LOC400499: variants seen among roughly 807,000 people sequenced by gnomAD.
chr16:11,460,078 C>A, the LOC400499 span: 3 of 1,347,088 alleles, frequency 2.2e-6, no homozygotes, highest in East Asian at 5.6e-5. Context: ...GGGTGGTGAA[C>A]TGCCCATGGA....
the LOC400499 span, chr16:11,457,003 G>C: frequency 1.3e-6 from 2 of 1,534,836 alleles, no homozygotes; most frequent in Non-Finnish European, 1.7e-6. Flanking sequence ...AGCTGCACGC[G>C]GCAATCCACC....
At chr16:11,394,950 G>C in the LOC400499 span, among the ~76,000 whole-genome samples, 7 of 152,228 alleles carry the variant, frequency 4.6e-5, no homozygotes, top group African/African-American at 1.4e-4. Context: ...TAATACAGTA[G>C]TCCTAGGAAT....
chr16:11,515,170 G>A, the LOC400499 span, among the ~76,000 whole-genome samples: 591 of 152,160 alleles, frequency 3.9e-3, 5 homozygotes, highest in Non-Finnish European at 5.3e-3. Flanking sequence ...AACTAACCAG[G>A]CATAGTGGTG....
the LOC400499 span, among the ~76,000 whole-genome samples, chr16:11,443,679 G>C: frequency 5.9e-5 from 9 of 152,174 alleles, no homozygotes; most frequent in East Asian, 1.5e-3. Context: ...ACTGCATAGA[G>C]ATGAGTACTG....
the LOC400499 span, chr16:11,430,930 A>T: frequency 2.5e-6 from 1 of 397,886 alleles, no homozygotes; most frequent in South Asian, 1.4e-4. Context: ...TGCCAGTGTG[A>T]GATGCTGGAG....
At chr16:11,400,005 C>A in the LOC400499 span, among the ~76,000 whole-genome samples, 2 of 151,766 alleles carry the variant, frequency 1.3e-5, no homozygotes, top group Admixed American at 1.3e-4. Context: ...TGCCTACCCC[C>A]ATCTCTGGAA....
the LOC400499 span, among the ~76,000 whole-genome samples, chr16:11,395,273 G>A: frequency 6.6e-6 from 1 of 152,330 alleles, no homozygotes; most frequent in East Asian, 1.9e-4. Flanking sequence ...GTTGGGGTGA[G>A]CAAGAAACAA....
chr16:11,494,370 G>C, the LOC400499 span, among the ~76,000 whole-genome samples: 1 of 148,248 alleles, frequency 6.7e-6, no homozygotes, highest in East Asian at 2.1e-4. Flanking sequence ...GTGTGGGGGG[G>C]GCAGTGGTAT....
chr16:11,452,487 T>C, the LOC400499 span, among the ~76,000 whole-genome samples: 3 of 152,170 alleles, frequency 2.0e-5, no homozygotes, highest in African/African-American at 7.2e-5. Flanking sequence ...CCCCTCTGGG[T>C]ACCCGAGGAT....
chr16:11,452,053 T>G, the LOC400499 span, among the ~76,000 whole-genome samples: 1 of 152,166 alleles, frequency 6.6e-6, no homozygotes, highest in Admixed American at 6.5e-5. Context: ...AGCGCCTCTT[T>G]CCAAACAAGT....
the LOC400499 span, among the ~76,000 whole-genome samples, chr16:11,447,543 G>A: frequency 6.6e-6 from 1 of 152,152 alleles, no homozygotes; most frequent in Non-Finnish European, 1.5e-5. Context: ...TTAGGCTGTA[G>A]CTGACTTATC....
At chr16:11,418,602 G>A in the LOC400499 span, among the ~76,000 whole-genome samples, 5 of 152,142 alleles carry the variant, frequency 3.3e-5, no homozygotes, top group South Asian at 1.0e-3. Flanking sequence ...CATAAAAATG[G>A]GCAACCAGCA....
the LOC400499 span, among the ~76,000 whole-genome samples, chr16:11,523,870 C>T: frequency 2.6e-5 from 4 of 151,176 alleles, no homozygotes; most frequent in Non-Finnish European, 5.9e-5. Context: ...CACCCACCTG[C>T]TCCCTGCTCC....
the LOC400499 span, chr16:11,488,652 G>A: frequency 2.5e-6 from 1 of 398,006 alleles, no homozygotes; most frequent in Admixed American, 4.4e-5. Context: ...GGAGCTCCAG[G>A]GTCCCCCAGC....
the LOC400499 span, chr16:11,469,320 C>G: frequency 2.5e-6 from 1 of 399,262 alleles, no homozygotes; most frequent in Non-Finnish European, 4.4e-6. Flanking sequence ...CTCCGTCCCC[C>G]TGGGAGGACT....
chr16:11,471,564 G>T, the LOC400499 span: 1 of 398,700 alleles, frequency 2.5e-6, no homozygotes, highest in Non-Finnish European at 4.4e-6. Context: ...CCCCAGAGAG[G>T]AGCCCCACGT....
At chr16:11,401,997 C>T in the LOC400499 span, 10 of 399,008 alleles carry the variant, frequency 2.5e-5, no homozygotes, top group African/African-American at 4.1e-5. Flanking sequence ...GGGTGGAGTT[C>T]AGCTCTGCCC....
the LOC400499 span, among the ~76,000 whole-genome samples, chr16:11,515,607 G>T: frequency 6.6e-6 from 1 of 150,510 alleles, no homozygotes; most frequent in South Asian, 2.1e-4. Flanking sequence ...AGGAGGTAAA[G>T]GAAGGAGGAC....
At chr16:11,526,340 T>C in the LOC400499 span, among the ~76,000 whole-genome samples, 1 of 152,202 alleles carries the variant, frequency 6.6e-6, no homozygotes, top group Non-Finnish European at 1.5e-5. Context: ...GGAGGATCAC[T>C]TGAGTTTGAG....
Sources: gnomAD v4.1 joint callset for allele counts (sites outside exome capture counted in the v4.1 genomes callset) on GRCh38, gnomAD v4.1.1 for gene constraint, MANE v1.5 for transcripts.